The following ACAD8 variants were observed in gnomAD, a reference collection of about 807,000 sequenced individuals.
ACAD8 encodes acyl-CoA dehydrogenase family member 8, also known as isobutyryl-CoA dehydrogenase, mitochondrial.
Under a neutral mutation model 53.1 loss-of-function variants are expected in ACAD8, and 47 were observed. The ratio of observed to expected loss-of-function variants is 0.89; its 90% CI spans 0.70 to 1.13. ACAD8 has a LOEUF of 1.13. ACAD8 is among the 50% of genes most tolerant of loss of function. The pLI is 0.00. For synonymous variants in ACAD8, 198 were observed against 201.3 expected, an observed-to-expected ratio of 0.98 and a Z score of 0.14; for missense variants, 494 against 535.0, an observed-to-expected ratio of 0.92 and a Z score of 0.76.
intron 10 of ACAD8, 21 bp from the exon 11 acceptor site, chr11:134,264,887 C>T: frequency 1.9e-6 from 3 of 1,612,824 alleles, no homozygotes; most frequent in Non-Finnish European, 2.5e-6. Flanking sequence ...TGAAATTCTT[C>T]CTCCTTCCTC....
At position 134,262,567 on chromosome 11, in the gene ACAD8, GGA is replaced by G. The variant is rs1939948200; in HGVS notation, c.1141_1142del (p.Asp381LeufsTer19). The G allele has an allele frequency of 6.2e-7, 1 of 1,614,008 alleles. No homozygotes were observed. The highest frequency in any genetic ancestry group is 1.3e-5 in the African/African-American group (1 of 74,940). ...TGCACGGGGGCTACGGCTACCTGAAGGATTACGCTGTTCAGCAGTACGTGCGG... is the reference window on the plus strand; with the variant it reads ...TGCACGGGGGCTACGGCTACCTGAAGTTACGCTGTTCAGCAGTACGTGCGG... ...QMHGGYGYLK[D>X]YAVQQYVRDS... On this transcript the variant is annotated frameshift_variant, in exon 10 of 11. Coordinates refer to ENST00000281182, the MANE Select transcript of ACAD8 (RefSeq NM_014384.3). LOFTEE classifies it high-confidence loss of function.
intron 1 of ACAD8, among the ~76,000 whole-genome samples, chr11:134,253,918 A>C (rs1364581990): frequency 8.1e-6 from 1 of 123,188 alleles, no homozygotes; most frequent in Non-Finnish European, 1.7e-5. Flanking sequence ...CCGGGTCCCC[A>C]TCTGGCCCGT....
Position 134,261,675 on chromosome 11 carries a change from C to T in ACAD8, c.940-63C>T, listed in dbSNP as rs1382846605. On this transcript the variant is annotated intron_variant, in intron 8 of 10. Transcript: ENST00000281182. The surrounding 1 kb of genome is among the most constrained non-coding windows in gnomAD (Gnocchi z 4.2). Reference sequence around the variant, plus strand: ...GCCTCCGAGATGTCTTACCGAGGCTCCTGCACCAGGTGCTGGTCTAAGCCC... The same window carrying T: ...GCCTCCGAGATGTCTTACCGAGGCTTCTGCACCAGGTGCTGGTCTAAGCCC... The T allele has an allele frequency of 1.9e-6, 3 of 1,608,096 alleles. No individual in the cohort carries two copies. Among genetic ancestry groups the T allele is most frequent in the Admixed American group, 1.7e-5 (1 of 59,962 alleles).
chr11:134,259,715 T>C lies in ACAD8; in HGVS notation c.675T>C (p.Pro225=). ...GCATAGTTGTTGAGAAGGGGACCCCTGGCCTCAGCTTTGGCAAGAAGGAGA... is the reference window on the plus strand; with the variant it reads ...GCATAGTTGTTGAGAAGGGGACCCCCGGCCTCAGCTTTGGCAAGAAGGAGA... The part of the protein sequence containing the change: ...ISCIVVEKGT[P]GLSFGKKEKK... The change falls in exon 6 of 11, where the codon CCT becomes CCC. Residue 225 remains proline (P), a synonymous_variant. Transcript: ENST00000281182. 6.2e-7 allele frequency: 1 copy of C among 1,614,214 alleles called. No homozygotes were observed. The highest frequency in any genetic ancestry group is 8.5e-7 in the Non-Finnish European group (1 of 1,180,038).
chr11:134,258,923 T>A, intron 4 of ACAD8, 85 bp from the exon 5 acceptor site: 1 of 1,194,780 alleles, frequency 8.4e-7, no homozygotes, highest in Non-Finnish European at 1.2e-6. Flanking sequence ...TAGAGAAGAT[T>A]TCCTAGAAGA....
chr11:134,260,339 C>T, intron 6 of ACAD8: 1 of 304,620 alleles, frequency 3.3e-6, no homozygotes, highest in Non-Finnish European at 5.1e-6. Context: ...ATTTTTTAGA[C>T]CAGATGCTCA....
At position 134,262,402 on chromosome 11, in the gene ACAD8, T is replaced by G. The variant is rs923698813; in HGVS notation, c.1093-118T>G. ...GAGGCCCTCTTTGAGCTTGGCTGTT[T>G]GTGGTTCTTTCATGGGTTTATGGCG... On this transcript the variant is annotated intron_variant, in intron 9 of 10. Coordinates refer to ENST00000281182, the MANE Select transcript of ACAD8 (RefSeq NM_014384.3). 43 of 712,528 alleles carry G rather than the reference T, an allele frequency of 6.0e-5. No homozygotes were observed. In the Middle Eastern group the frequency reaches 1.0e-3, roughly 17 times the overall value. 44.1% of individuals were successfully genotyped at this position (712,528 alleles called of 1,614,324 possible). A position where few individuals can be genotyped will look rare whatever the true frequency, so the allele number is the denominator to read the frequency against.
chr11:134,265,298 G>T lies in ACAD8; in HGVS notation c.*338G>T. ...ATCTTGATTAGTCTGCATTTTACTA[G>T]TTCACTGGATCCCTCCTCTAGGGGC... On this transcript the variant is annotated 3_prime_UTR_variant, in exon 11 of 11. Coordinates refer to ENST00000281182, the MANE Select transcript of ACAD8 (RefSeq NM_014384.3). 1 of 322,028 alleles carries T rather than the reference G, an allele frequency of 3.1e-6. No homozygotes were observed. Among genetic ancestry groups the T allele is most frequent in the East Asian group, 6.1e-5 (1 of 16,304 alleles). The allele number at this position is 322,028 out of a possible 1,614,324, so 19.9% of individuals were successfully genotyped here. A position where few individuals can be genotyped will look rare whatever the true frequency, so the allele number is the denominator to read the frequency against.
intron 10 of ACAD8, chr11:134,263,250 G>A (rs747815253): frequency 3.9e-5 from 39 of 1,006,636 alleles, no homozygotes; most frequent in Non-Finnish European, 4.6e-5. Flanking sequence ...GAGGGGCAGA[G>A]GCTTCTTTGA....
intron 6 of ACAD8, chr11:134,260,595 C>T (rs1025760752): frequency 3.5e-6 from 1 of 285,688 alleles, no homozygotes; most frequent in Admixed American, 5.1e-5. Flanking sequence ...AACTCCTGGG[C>T]AGGAAGACCT....
At chr11:134,256,409 C>T (rs917784364) in intron 1 of ACAD8, 139 bp from the exon 2 acceptor site, 1 of 701,172 alleles carries the variant, frequency 1.4e-6, no homozygotes, top group South Asian at 1.6e-5. Flanking sequence ...CTGCCATTCT[C>T]TAGCTGTTAA....
intron 9 of ACAD8, 123 bp from the exon 10 acceptor site, chr11:134,262,397 C>T (rs1939936083): frequency 2.9e-6 from 2 of 700,640 alleles, no homozygotes; most frequent in Admixed American, 2.1e-5. Flanking sequence ...TTGAGCTTGG[C>T]TGTTTGTGGT....
intron 3 of ACAD8, among the ~76,000 whole-genome samples, chr11:134,257,590 G>A (rs1023622519): frequency 6.6e-5 from 10 of 151,930 alleles, no homozygotes; most frequent in Admixed American, 6.5e-5. Context: ...GGAGGATGGT[G>A]TGAACCCGGG....
rs562902 is a variant in ACAD8 at position 134,262,766 on chromosome 11, G to A, written c.1195+144G>A. 2.0e-3 allele frequency: 3,038 copies of A among 1,501,380 alleles called. 47 individuals are homozygous for A. In the African/African-American group the frequency reaches 0.034, roughly 17 times the overall value. 93.0% of individuals were successfully genotyped at this position (1,501,380 alleles called of 1,614,324 possible). On this transcript the variant is annotated intron_variant, in intron 10 of 10. Transcript: ENST00000281182. ...GAGGCTTCCTCCTCCCTCCCGTTCC[G>A]CAGAGCTGTTCTGGCAGGGGCCTGG...
intron 9 of ACAD8, 146 bp from the exon 10 acceptor site, chr11:134,262,374 G>C: frequency 1.5e-6 from 1 of 676,476 alleles, no homozygotes; most frequent in Non-Finnish European, 2.7e-6. Context: ...CATACAGAAT[G>C]TGGAGGCCCT....
At chr11:134,264,092 C>A in intron 10 of ACAD8, 1 of 973,186 alleles carries the variant, frequency 1.0e-6, no homozygotes, top group Non-Finnish European at 1.2e-6. Context: ...TGTCTATAAT[C>A]GCCGCACTTT....
Position 134,261,904 on chromosome 11 carries a change from C to A in ACAD8, c.1092+14C>A. ...GAATGCTTTGCCGTAAGTGATTCCT[C>A]TGGCTCTCCTGGGATGGACAGGGAA... On this transcript the variant is annotated intron_variant, in intron 9 of 10. Transcript: ENST00000281182. The surrounding 1 kb of genome is among the most constrained non-coding windows in gnomAD (Gnocchi z 4.2). The A allele has an allele frequency of 1.9e-6, 3 of 1,613,308 alleles. No homozygotes were observed. The highest frequency in any genetic ancestry group is 2.5e-6 in the Non-Finnish European group (3 of 1,180,016).
intron 10 of ACAD8, chr11:134,262,949 G>T (rs1939985508): frequency 2.4e-6 from 3 of 1,261,206 alleles, no homozygotes; most frequent in Non-Finnish European, 3.1e-6. Flanking sequence ...TATCGAGTAC[G>T]TGGTTCTCAG....
chr11:134,263,697 A>G (rs1413011542), intron 10 of ACAD8: 1 of 985,232 alleles, frequency 1.0e-6, no homozygotes, highest in Non-Finnish European at 1.2e-6. Flanking sequence ...TTATGTGCGT[A>G]GGAAACTTCG....
Sources: allele counts gnomAD v4.1 joint callset (sites outside exome capture counted in the v4.1 genomes callset), GRCh38; gene constraint gnomAD v4.1.1; non-coding constraint Gnocchi (gnomAD v3.1); transcripts MANE v1.5; gene names NCBI Gene and HGNC (gene_info 2026-07-23, HGNC 2026-07-21).